Variants in CTNNA1 observed in about 807,000 individuals in gnomAD.
The protein encoded by CTNNA1 is catenin alpha-1.
Under a neutral mutation model 98.4 loss-of-function variants are expected in CTNNA1, and 37 were observed. The ratio of observed to expected loss-of-function variants is 0.38; its 90% CI spans 0.29 to 0.49. The LOEUF is 0.49. CTNNA1 is among the 20% of genes least tolerant of loss of function. CTNNA1 has a pLI of 0.95. For missense variants in CTNNA1, 761 were observed against 1,147.2 expected (o/e 0.66, Z 4.86); for synonymous variants, 404 against 413.2 (o/e 0.98, Z 0.27).
chr5:138,839,325 C>G (rs1762073886), intron 7 of CTNNA1, among the ~76,000 whole-genome samples: 1 of 152,018 alleles, frequency 6.6e-6, no homozygotes, highest in Non-Finnish European at 1.5e-5. Flanking sequence ...CTCAGCCTCC[C>G]GAGTAGCTGG....
chr5:138,926,427 C>T (rs932870499), intron 13 of CTNNA1, among the ~76,000 whole-genome samples: 2 of 152,264 alleles, frequency 1.3e-5, no homozygotes, highest in Non-Finnish European at 2.9e-5. Flanking sequence ...GCAGAAGCCG[C>T]GGCCATTTGT....
chr5:138,910,087 AC>A (rs1760214987), intron 10 of CTNNA1, among the ~76,000 whole-genome samples: 1 of 151,836 alleles, frequency 6.6e-6, no homozygotes, highest in Non-Finnish European at 1.5e-5. Flanking sequence ...TCCCATCTCT[AC>A]CCTTCTGTGC....
chr5:138,886,923 T>C (rs1305197578), intron 8 of CTNNA1, among the ~76,000 whole-genome samples: 1 of 152,148 alleles, frequency 6.6e-6, no homozygotes, highest in African/African-American at 2.4e-5. Context: ...TAAGAGGTAA[T>C]GGACAGATAT....
Position 138,874,737 on chromosome 5 carries a change from A to T in CTNNA1, c.1063-11475A>T, listed in dbSNP as rs1751113541. ...GTATGACTGGACCAAAACTTAAGCCATTTAAAAAGAAGATAAAACATGTCT... is the reference window on the plus strand; with the variant it reads ...GTATGACTGGACCAAAACTTAAGCCTTTTAAAAAGAAGATAAAACATGTCT... On this transcript the variant is annotated intron_variant, in intron 7 of 17. Coordinates refer to ENST00000302763, the MANE Select transcript of CTNNA1 (RefSeq NM_001903.5). The surrounding 1 kb of genome is among the most constrained non-coding windows in gnomAD (Gnocchi z 4.1). Among the ~76,000 whole-genome samples, 1 of 152,220 alleles carries T rather than the reference A, an allele frequency of 6.6e-6. No individual in the cohort carries two copies. The highest frequency in any genetic ancestry group is 2.1e-4 in the South Asian group (1 of 4,822).
At chr5:138,868,051 C>T (rs1764968310) in intron 7 of CTNNA1, among the ~76,000 whole-genome samples, 2 of 152,194 alleles carry the variant, frequency 1.3e-5, no homozygotes, top group Admixed American at 1.3e-4. Flanking sequence ...CATGCCCCAC[C>T]ATGATTTTCT....
At chr5:138,844,179 A>G (rs1204073898) in intron 7 of CTNNA1, among the ~76,000 whole-genome samples, 1 of 152,176 alleles carries the variant, frequency 6.6e-6, no homozygotes, top group African/African-American at 2.4e-5. Flanking sequence ...AAATAAAAGT[A>G]GAGATGGGGT....
At chr5:138,828,540 C>T (rs775976818) in intron 7 of CTNNA1, among the ~76,000 whole-genome samples, 3 of 151,910 alleles carry the variant, frequency 2.0e-5, no homozygotes, top group Non-Finnish European at 4.4e-5. Context: ...AGCTAATTAG[C>T]AATAAATTAA....
rs536660799 is a variant in CTNNA1, at chr5:138,838,188, A to G, written c.1062+10470A>G. 2.8e-4 allele frequency among the ~76,000 whole-genome samples: 42 copies of G among 152,380 alleles called. 1 individual carries two copies. Among genetic ancestry groups the G allele is most frequent in the Admixed American group, 2.4e-3 (36 of 15,308 alleles). Reference sequence around the variant, plus strand: ...AGTTCTGGGATTACAGGCGTGAGCCATGGCACCCAGCCCAACCAATTAATT... The same window carrying G: ...AGTTCTGGGATTACAGGCGTGAGCCGTGGCACCCAGCCCAACCAATTAATT... On this transcript the variant is annotated intron_variant, in intron 7 of 17. Coordinates refer to ENST00000302763, the MANE Select transcript of CTNNA1 (RefSeq NM_001903.5).
intron 1 of CTNNA1, among the ~76,000 whole-genome samples, chr5:138,781,372 G>C (rs1339825717): frequency 6.6e-6 from 1 of 152,008 alleles, no homozygotes; most frequent in South Asian, 2.1e-4. Context: ...TGGCTAACAC[G>C]GTGAAACCCC....
At chr5:138,774,728 TCTC>T (rs1297576749) in intron 1 of CTNNA1, among the ~76,000 whole-genome samples, 1 of 152,032 alleles carries the variant, frequency 6.6e-6, no homozygotes, top group Non-Finnish European at 1.5e-5. Flanking sequence ...TTCACGCCAT[TCTC>T]CTGCCTCAGC....
At chr5:138,770,950 CAAA>C (rs10712613) in intron 1 of CTNNA1, among the ~76,000 whole-genome samples, 2 of 128,270 alleles carry the variant, frequency 1.6e-5, no homozygotes, top group Non-Finnish European at 1.7e-5. Flanking sequence ...GACTCCGTCT[CAAA>C]AAAAAAAAAA....
chr5:138,823,174 CT>C (rs974704786), intron 5 of CTNNA1, among the ~76,000 whole-genome samples: 26 of 152,092 alleles, frequency 1.7e-4, no homozygotes, highest in Admixed American at 6.5e-4. Flanking sequence ...TTACTAAAGC[CT>C]TTTTTTCCCT....
intron 1 of CTNNA1, among the ~76,000 whole-genome samples, chr5:138,757,067 G>A (rs1751744508): frequency 6.6e-6 from 1 of 151,796 alleles, no homozygotes; most frequent in South Asian, 2.1e-4. Context: ...ATGGTGACAC[G>A]CTCTGTAGTC....
chr5:138,756,915 G>A (rs186907680), intron 1 of CTNNA1, among the ~76,000 whole-genome samples: 3 of 152,146 alleles, frequency 2.0e-5, no homozygotes, highest in Admixed American at 2.0e-4. Flanking sequence ...AATATGGATT[G>A]GGGCTGGACA....
rs530587955 is a variant in CTNNA1 at position 138,877,512 on chromosome 5, A to G, written c.1063-8700A>G. 5.3e-5 allele frequency among the ~76,000 whole-genome samples: 8 copies of G among 151,526 alleles called. 1 individual carries two copies. The highest frequency in any genetic ancestry group is 3.3e-4 in the Admixed American group (5 of 15,236). ...CCGGACTGCGGACTGCAGTGGCGCA[A>G]TCTCGGCTCACTGCAAGCTCCGCTT... On this transcript the variant is annotated intron_variant, in intron 7 of 17. Coordinates refer to ENST00000302763, the MANE Select transcript of CTNNA1 (RefSeq NM_001903.5).
intron 7 of CTNNA1, among the ~76,000 whole-genome samples, chr5:138,830,788 A>G (rs1561572013): frequency 1.3e-5 from 2 of 151,436 alleles, no homozygotes. Flanking sequence ...CCCTTCTGGA[A>G]CAGACAAAGT....
chr5:138,858,265 C>G (rs550681424), intron 7 of CTNNA1, among the ~76,000 whole-genome samples: 1 of 151,952 alleles, frequency 6.6e-6, no homozygotes, highest in East Asian at 1.9e-4. Context: ...TAGCTAGCAG[C>G]ACGGGTATGC....
chr5:138,925,474 G>C (rs528013462), intron 13 of CTNNA1, 67 bp downstream of exon 13: 26 of 1,572,988 alleles, frequency 1.7e-5, no homozygotes, highest in East Asian at 1.4e-4. Context: ...TGAGCAATGC[G>C]TCATTCTAGA....
intron 7 of CTNNA1, among the ~76,000 whole-genome samples, chr5:138,864,680 A>G (rs569492005): frequency 6.6e-6 from 1 of 152,342 alleles, no homozygotes; most frequent in South Asian, 2.1e-4. Flanking sequence ...AACAAGATGG[A>G]ATCAGTTATG....
Sources: gnomAD v4.1 joint callset for allele counts (sites outside exome capture counted in the v4.1 genomes callset) on GRCh38, gnomAD v4.1.1 for gene constraint, Gnocchi (gnomAD v3.1) non-coding constraint, MANE v1.5 for transcripts, NCBI Gene and HGNC (gene_info 2026-07-23, HGNC 2026-07-21) for gene names.